ATP6V0A4: variants seen among roughly 807,000 people sequenced by gnomAD.
The protein encoded by ATP6V0A4 is ATPase H+ transporting V0 subunit a4.
Under a neutral mutation model 107.3 loss-of-function variants are expected in ATP6V0A4, and 86 were observed. The observed-to-expected ratio is 0.80, with a 90% confidence interval of 0.67 to 0.96. ATP6V0A4 has a LOEUF of 0.96. Among genes scored for constraint, ATP6V0A4 ranks in the 40% least tolerant of loss-of-function variants. ATP6V0A4 has a pLI of 0.00. For synonymous variants in ATP6V0A4, 353 were observed against 381.4 expected (o/e 0.93, Z 0.87); for missense variants, 908 against 1,045.6 (o/e 0.87, Z 1.81).
At chr7:138,789,143 AC>A (rs931828976) in intron 1 of ATP6V0A4, among the ~76,000 whole-genome samples, 15 of 151,960 alleles carry the variant, frequency 9.9e-5, no homozygotes, top group Non-Finnish European at 2.9e-5. Context: ...CATTGTGACC[AC>A]GAGCACTCCA....
At chr7:138,772,545 C>G (rs952225040) in intron 2 of ATP6V0A4, among the ~76,000 whole-genome samples, 1 of 152,130 alleles carries the variant, frequency 6.6e-6, no homozygotes, top group Non-Finnish European at 1.5e-5. Flanking sequence ...TGTATTGACA[C>G]TGCTGATTAA....
intron 2 of ATP6V0A4, among the ~76,000 whole-genome samples, chr7:138,785,802 G>A (rs1416766354): frequency 1.3e-5 from 2 of 152,054 alleles, no homozygotes; most frequent in Non-Finnish European, 2.9e-5. Flanking sequence ...TGATAGTAAG[G>A]TCCAAGAGTT....
chr7:138,782,462 A>G (rs1807967232), intron 2 of ATP6V0A4, among the ~76,000 whole-genome samples: 1 of 152,238 alleles, frequency 6.6e-6, no homozygotes, highest in Non-Finnish European at 1.5e-5. Flanking sequence ...GATTAGAACT[A>G]CAACATATGA....
chr7:138,753,106 C>G (rs1339693672), intron 10 of ATP6V0A4, among the ~76,000 whole-genome samples: 5 of 152,190 alleles, frequency 3.3e-5, no homozygotes, highest in Non-Finnish European at 5.9e-5. Flanking sequence ...TAAAAGAGTC[C>G]TGAACTCTGA....
intron 2 of ATP6V0A4, among the ~76,000 whole-genome samples, chr7:138,775,644 ATTTTTT>A (rs36128448): frequency 1.2e-3 from 105 of 89,066 alleles, no homozygotes; most frequent in African/African-American, 4.6e-3. Context: ...GATTGGGCTG[ATTTTTT>A]TTTTTTTTTT....
chr7:138,740,450 G>A (rs1264503904), intron 14 of ATP6V0A4, among the ~76,000 whole-genome samples: 1 of 134,428 alleles, frequency 7.4e-6, no homozygotes. Flanking sequence ...TTTGGAGACT[G>A]CGTTTCATTC....
chr7:138,783,299 G>A (rs564057836), intron 2 of ATP6V0A4, among the ~76,000 whole-genome samples: 11 of 152,132 alleles, frequency 7.2e-5, no homozygotes, highest in East Asian at 1.9e-4. Context: ...GGCTGCGTAC[G>A]GTGGCTCACA....
rs10239556 is a variant in ATP6V0A4, at chr7:138,768,559, G to C, written c.291+221C>G. On this transcript the variant is annotated intron_variant, in intron 5 of 21. Coordinates refer to ENST00000310018, the MANE Select transcript of ATP6V0A4 (RefSeq NM_020632.3). ...CTAAGCTTCCCGAGGGCTATGCTGA[G>C]AAAGGAAAACAGCTGTCTCCAGATC... Among the ~76,000 whole-genome samples, 27,403 of 152,054 alleles carry C rather than the reference G, an allele frequency of 0.18. 2,539 individuals carry two copies. Among genetic ancestry groups the C allele is most frequent in the African/African-American group, 0.22 (8,936 of 41,450 alleles).
chr7:138,713,086 C>T (rs1454760532), intron 20 of ATP6V0A4, among the ~76,000 whole-genome samples: 3 of 151,120 alleles, frequency 2.0e-5, no homozygotes, highest in Non-Finnish European at 2.9e-5. Context: ...GTCAAGAGAT[C>T]GAGACCATCC....
At position 138,709,608 on chromosome 7, in the gene ATP6V0A4, G is replaced by C; in HGVS notation, c.2429+16C>G. On this transcript the variant is annotated intron_variant, in intron 21 of 21. Coordinates refer to ENST00000310018, the MANE Select transcript of ATP6V0A4 (RefSeq NM_020632.3). ...CCCAACACCACATTGAGCTTCCAGG[G>C]GACAACCATCCTTACCAGTGCAGTC... The C allele has an allele frequency of 6.2e-7, 1 of 1,610,716 alleles. No individual in the cohort carries two copies. Among genetic ancestry groups the C allele is most frequent in the Non-Finnish European group, 8.5e-7 (1 of 1,177,934 alleles).
chr7:138,768,168 G>A (rs911021700), intron 5 of ATP6V0A4, among the ~76,000 whole-genome samples: 1 of 152,138 alleles, frequency 6.6e-6, no homozygotes, highest in African/African-American at 2.4e-5. Flanking sequence ...TCCTGACTTC[G>A]TGATCCGCCT....
rs114139194 is a variant in ATP6V0A4 at position 138,748,742 on chromosome 7, C to T, written c.1180+425G>A. On this transcript the variant is annotated intron_variant, in intron 12 of 21. Coordinates refer to ENST00000310018, the MANE Select transcript of ATP6V0A4 (RefSeq NM_020632.3). ...TTTATTAACCAAGGTAGCAAGATTCCACAGCTTAGGACACCAAGAATCGAG... is the reference window on the plus strand; with the variant it reads ...TTTATTAACCAAGGTAGCAAGATTCTACAGCTTAGGACACCAAGAATCGAG... Among the ~76,000 whole-genome samples the T allele has an allele frequency of 2.3e-3, 349 of 152,178 alleles. 1 individual carries two copies. The highest frequency in any genetic ancestry group is 8.1e-3 in the African/African-American group (336 of 41,518).
chr7:138,730,931 C>CTTTTTTTTTTTTTTTTTTTTTTT lies in ATP6V0A4; in HGVS notation c.1908+1945_1908+1946insAAAAAAAAAAAAAAAAAAAAAAA, dbSNP rs66521953. 1.6e-5 allele frequency among the ~76,000 whole-genome samples: 2 copies of CTTTTTTTTTTTTTTTTTTTTTTT among 123,758 alleles called. 1 individual carries two copies. The highest frequency in any genetic ancestry group is 3.2e-5 in the Non-Finnish European group (2 of 61,640). 81.2% of individuals were successfully genotyped at this position (123,758 alleles called of 152,430 possible). ...CAAGGCATTTTTTCTTCTTCTTCTT[C>CTTTTTTTTTTTTTTTTTTTTTTT]TTTTTTTATTTTTTTTTTTGAGACA... On this transcript the variant is annotated intron_variant, in intron 17 of 21. Transcript: ENST00000310018.
chr7:138,759,052 A>ATTTTTTTTTTTTTTTTT (rs33940158), intron 8 of ATP6V0A4, among the ~76,000 whole-genome samples: 2 of 54,570 alleles, frequency 3.7e-5, no homozygotes, highest in African/African-American at 1.7e-4. Context: ...TGCCCAGCCT[A>ATTTTTTTTTTTTTTTTT]TTTTTTTTTT....
At position 138,773,726 on chromosome 7, in the gene ATP6V0A4, G is replaced by C. The variant is rs1807510133; in HGVS notation, c.-17-2462C>G. The C allele has an allele frequency of 6.6e-6, 1 of 152,278 alleles. No homozygotes were observed. The highest frequency in any genetic ancestry group is 2.4e-5 in the African/African-American group (1 of 41,436). The allele number at this position is 152,278 out of a possible 1,614,324, so 9.4% of individuals were successfully genotyped here. On this transcript the variant is annotated intron_variant, in intron 2 of 21. Coordinates refer to ENST00000310018, the MANE Select transcript of ATP6V0A4 (RefSeq NM_020632.3). The surrounding 1 kb of genome is among the most constrained non-coding windows in gnomAD (Gnocchi z 5.4). ...GAATTCAAAGCTCTCCTACTGCCCT[G>C]TCTAGTAACTACAGCCAAGTGAACA...
intron 19 of ATP6V0A4, 135 bp downstream of exon 19, chr7:138,721,762 A>G: frequency 1.0e-6 from 1 of 985,122 alleles, no homozygotes; most frequent in Non-Finnish European, 1.5e-6. Context: ...AGACCTTCAC[A>G]GCTTCCCAGG....
rs528984529 is a variant in ATP6V0A4, at chr7:138,726,010, G to A, written c.2010+2751C>T. ...ATTTATTTATTTATTTATTTTTTGA[G>A]ACAGAGTCTCGTTCTGTCGCCTGGG... On this transcript the variant is annotated intron_variant, in intron 18 of 21. Transcript: ENST00000310018. 7.9e-4 allele frequency among the ~76,000 whole-genome samples: 111 copies of A among 140,356 alleles called. 1 individual carries two copies. The highest frequency in any genetic ancestry group is 2.7e-3 in the South Asian group (12 of 4,468). 92.1% of individuals were successfully genotyped at this position (140,356 alleles called of 152,430 possible).
chr7:138,762,577 T>A (rs1806878008), intron 6 of ATP6V0A4, 143 bp from the exon 7 acceptor site: 1 of 1,442,536 alleles, frequency 6.9e-7, no homozygotes. Context: ...AGAGTGCTCC[T>A]GGCCAGATCA....
chr7:138,791,960 T>C (rs752271315), intron 1 of ATP6V0A4, among the ~76,000 whole-genome samples: 5 of 152,192 alleles, frequency 3.3e-5, no homozygotes, highest in African/African-American at 9.7e-5. Flanking sequence ...TAATGACTTA[T>C]TGAGTTAAAA....
Sources: gnomAD v4.1 joint callset for allele counts (sites outside exome capture counted in the v4.1 genomes callset) on GRCh38, gnomAD v4.1.1 for gene constraint, Gnocchi (gnomAD v3.1) non-coding constraint, MANE v1.5 for transcripts, NCBI Gene and HGNC (gene_info 2026-07-23, HGNC 2026-07-21) for gene names.